Variants in ITGAV observed in about 807,000 individuals in gnomAD.
ITGAV encodes integrin subunit alpha V.
A neutral mutation model predicts 143.8 loss-of-function variants in ITGAV; 76 were observed. That is an observed-to-expected ratio of 0.53 (90% confidence interval 0.44 to 0.64). The LOEUF (loss-of-function observed/expected upper bound fraction) is 0.64, where lower values mean the gene tolerates loss of function less well. Ranked by LOEUF, ITGAV falls within the 30% of genes least tolerant of loss-of-function variation. The pLI is 0.00. For missense variants in ITGAV, 1,193 were observed against 1,274.7 expected (o/e 0.94, Z 0.98); for synonymous variants, 453 against 446.7 (o/e 1.01, Z -0.18).
rs111527604 is a variant in ITGAV at position 186,638,259 on chromosome 2, T to C, written c.803-18T>C. The C allele has an allele frequency of 6.2e-7, 1 of 1,612,598 alleles. No homozygotes were observed. Among genetic ancestry groups the C allele is most frequent in the South Asian group, 1.1e-5 (1 of 90,986 alleles). On this transcript the variant is annotated intron_variant, in intron 8 of 29. Coordinates refer to ENST00000261023, the MANE Select transcript of ITGAV (RefSeq NM_002210.5). ...GTTGTCCTAAAAAATGAATAATTTGTTTGTTTGTTTGTTTCAGACTTTGTT... is the reference window on the plus strand; with the variant it reads ...GTTGTCCTAAAAAATGAATAATTTGCTTGTTTGTTTGTTTCAGACTTTGTT...
chr2:186,645,510 A>C (rs973527159), intron 12 of ITGAV, among the ~76,000 whole-genome samples: 1 of 152,144 alleles, frequency 6.6e-6, no homozygotes, highest in Non-Finnish European at 1.5e-5. Context: ...TGAGATTTGC[A>C]TGGTAAACAA....
Position 186,590,417 on chromosome 2 carries a change from C to G in ITGAV, c.79C>G (p.Leu27Val), listed in dbSNP as rs778283194. The change falls in exon 1 of 30, where the codon CTG (leucine) becomes GTG (valine). Residue 27 changes from leucine (L) to valine (V), a missense_variant. Leu to Val is a conservative substitution (Grantham distance 32). Transcript: ENST00000261023. ...PLLLSGLLLP[L>V]CRAFNLDVDS... is the part of the protein sequence containing the mutation. ...TCTTCTCTCGGGACTCCTGCTACCT[C>G]TGTGCCGCGCCTTCAACCTAGACGT... is the stretch of plus-strand genomic sequence containing the variant. 1.2e-6 allele frequency: 2 copies of G among 1,613,068 alleles called. No individual in the cohort carries two copies. Among genetic ancestry groups the G allele is most frequent in the Non-Finnish European group, 1.7e-6 (2 of 1,179,838 alleles).
intron 3 of ITGAV, among the ~76,000 whole-genome samples, chr2:186,624,945 CT>C (rs1687632327): frequency 3.6e-5 from 1 of 27,400 alleles, no homozygotes; most frequent in African/African-American, 1.0e-4. Context: ...ATTTTGCTAA[CT>C]ATTTTGAAAA....
chr2:186,605,363 A>G (rs1428181910), intron 2 of ITGAV, among the ~76,000 whole-genome samples: 1 of 152,186 alleles, frequency 6.6e-6, no homozygotes, highest in African/African-American at 2.4e-5. Context: ...TTCTTTCCCT[A>G]AATATCCACT....
At chr2:186,603,354 T>C (rs1686966665) in intron 2 of ITGAV, among the ~76,000 whole-genome samples, 1 of 152,196 alleles carries the variant, frequency 6.6e-6, no homozygotes, top group Non-Finnish European at 1.5e-5. Context: ...ACAGGAATCA[T>C]GATGTGGACT....
Position 186,646,702 on chromosome 2 carries a change from T to C in ITGAV, c.1176T>C (p.Ala392=). The change falls in exon 13 of 30, where the codon GCT becomes GCC. Residue 392 remains alanine (A), a synonymous_variant. Coordinates refer to ENST00000261023, the MANE Select transcript of ITGAV (RefSeq NM_002210.5). ...QDGFNDIAIA[A]PYGGEDKKGI... ...TCCCCACAGATATTGCAATTGCTGC[T>C]CCATATGGGGGTGAAGATAAAAAAG... 1.3e-6 allele frequency: 2 copies of C among 1,569,072 alleles called. No homozygotes were observed. Among genetic ancestry groups the C allele is most frequent in the Non-Finnish European group, 1.7e-6 (2 of 1,149,856 alleles).
intron 15 of ITGAV, among the ~76,000 whole-genome samples, chr2:186,652,931 A>ATTTTTTTTTTTTTTTT (rs35139936): frequency 1.2e-5 from 1 of 82,424 alleles, no homozygotes; most frequent in African/African-American, 4.9e-5. Flanking sequence ...TTCATTATAG[A>ATTTTTTTTTTTTTTTT]TTTTTTTTTT....
At chr2:186,674,096 C>T (rs1465097642) in intron 26 of ITGAV, among the ~76,000 whole-genome samples, 2 of 152,156 alleles carry the variant, frequency 1.3e-5, no homozygotes, top group East Asian at 3.8e-4. Context: ...GCCTCAGCCT[C>T]CTGAGTAGCT....
At chr2:186,617,029 C>CT (rs1328206447) in intron 2 of ITGAV, among the ~76,000 whole-genome samples, 1 of 89,858 alleles carries the variant, frequency 1.1e-5, no homozygotes, top group Non-Finnish European at 2.3e-5. Flanking sequence ...TTTTTTCTTT[C>CT]TTTTTTTGTT....
chr2:186,663,339 A>G (rs1688800443), intron 18 of ITGAV, among the ~76,000 whole-genome samples: 1 of 152,112 alleles, frequency 6.6e-6, no homozygotes, highest in Admixed American at 6.5e-5. Context: ...ATTTCCTGAT[A>G]TTGGTAGAGG....
At chr2:186,653,405 CCTTA>C (rs1688497763) in intron 15 of ITGAV, among the ~76,000 whole-genome samples, 1 of 152,064 alleles carries the variant, frequency 6.6e-6, no homozygotes, top group African/African-American at 2.4e-5. Flanking sequence ...TATTCATGTT[CCTTA>C]CTTACACAGA....
chr2:186,594,562 A>G (rs1293094687), intron 1 of ITGAV, among the ~76,000 whole-genome samples: 3 of 152,178 alleles, frequency 2.0e-5, no homozygotes, highest in African/African-American at 7.2e-5. Context: ...AAACGTGCAG[A>G]ACATCTTGTC....
chr2:186,653,102 C>T (rs895247132), intron 15 of ITGAV, among the ~76,000 whole-genome samples: 24 of 151,850 alleles, frequency 1.6e-4, no homozygotes, highest in Non-Finnish European at 2.8e-4. Flanking sequence ...CCCACCAACA[C>T]GCCCGGCTAA....
At chr2:186,659,259 T>A in intron 18 of ITGAV, 84 bp downstream of exon 18, 1 of 910,972 alleles carries the variant, frequency 1.1e-6, no homozygotes, top group South Asian at 3.5e-5. Flanking sequence ...GGAGATTTCC[T>A]TTATCATATT....
chr2:186,676,917 G>A lies in ITGAV; in HGVS notation c.3033G>A (p.Leu1011=). 1 of 1,613,848 alleles carries A rather than the reference G, an allele frequency of 6.2e-7. No homozygotes were observed. Among genetic ancestry groups the A allele is most frequent in the Non-Finnish European group, 8.5e-7 (1 of 1,179,906 alleles). Residue 1011 remains leucine, a synonymous_variant, in exon 29 of 30, where the codon TTG becomes TTA. Coordinates refer to ENST00000261023, the MANE Select transcript of ITGAV (RefSeq NM_002210.5). ...CAGGATTGTTGCTACTGGCTGTTTT[G>A]GTATTTGTAATGTACAGGGTAAGTA... The part of the protein sequence containing the change: ...VLAGLLLLAV[L]VFVMYRMGFF...
chr2:186,659,018 C>G lies in ITGAV; in HGVS notation c.1720-20C>G, dbSNP rs748111325. 3.8e-6 allele frequency: 6 copies of G among 1,595,012 alleles called. No individual in the cohort carries two copies. Among genetic ancestry groups the G allele is most frequent in the Non-Finnish European group, 5.1e-6 (6 of 1,167,768 alleles). On this transcript the variant is annotated intron_variant, in intron 17 of 29. Coordinates refer to ENST00000261023, the MANE Select transcript of ITGAV (RefSeq NM_002210.5). The stretch of plus-strand genomic sequence containing the variant: ...ATTTAGGTTGACGTTATCATTAATT[C>G]AAAGCGTTTCCATTTCTAGGATGAA...
chr2:186,668,243 T>TTTTTTTTTC (rs1360284131), intron 24 of ITGAV, among the ~76,000 whole-genome samples: 1 of 123,378 alleles, frequency 8.1e-6, no homozygotes, highest in Non-Finnish European at 1.7e-5. Context: ...TTTTTTTTTT[T>TTTTTTTTTC]GAGGTGAAGT....
chr2:186,602,854 G>T (rs1481864149), intron 2 of ITGAV, among the ~76,000 whole-genome samples: 2 of 148,192 alleles, frequency 1.3e-5, no homozygotes, highest in Non-Finnish European at 3.0e-5. Context: ...TCTAGCCTGG[G>T]TGACAGAGGG....
intron 1 of ITGAV, among the ~76,000 whole-genome samples, chr2:186,598,687 C>G (rs1275731226): frequency 5.3e-5 from 8 of 152,128 alleles, no homozygotes; most frequent in Non-Finnish European, 1.2e-4. Flanking sequence ...CCTCAGCCGC[C>G]CAAAGTGTTG....
Sources: gnomAD v4.1 joint callset for allele counts (sites outside exome capture counted in the v4.1 genomes callset) on GRCh38, gnomAD v4.1.1 for gene constraint, MANE v1.5 for transcripts, NCBI Gene and HGNC (gene_info 2026-07-23, HGNC 2026-07-21) for gene names.